The following LDB3 variants were observed in gnomAD, a reference collection of about 807,000 sequenced individuals.
The protein encoded by LDB3 is LIM domain-binding protein 3.
In LDB3, 49 loss-of-function variants were observed where a neutral mutation model predicts 69.0. The ratio of observed to expected loss-of-function variants is 0.71; its 90% CI spans 0.56 to 0.90. LDB3 has a LOEUF of 0.90. Among genes scored for constraint, LDB3 ranks in the 40% least tolerant of loss-of-function variants. The pLI, the probability that LDB3 is intolerant of heterozygous loss-of-function variation, is 0.00. For synonymous variants in LDB3, 387 were observed against 396.2 expected (o/e 0.98, Z 0.28); for missense variants, 928 against 974.1 (o/e 0.95, Z 0.63).
At chr10:86,698,378 C>T (rs1292260576) in intron 7 of LDB3, among the ~76,000 whole-genome samples, 2 of 152,204 alleles carry the variant, frequency 1.3e-5, no homozygotes, top group Non-Finnish European at 2.9e-5. Context: ...GTGTTTGTGG[C>T]TGGATGGGGC....
chr10:86,672,683 G>A (rs922827424), intron 2 of LDB3, among the ~76,000 whole-genome samples: 4 of 152,238 alleles, frequency 2.6e-5, no homozygotes, highest in African/African-American at 9.6e-5. Context: ...TCACAGCTGG[G>A]GAATGCATTC....
intron 5 of LDB3, chr10:86,687,026 T>C (rs1845515314): frequency 1.3e-6 from 2 of 1,596,894 alleles, no homozygotes; most frequent in African/African-American, 1.3e-5. Flanking sequence ...GTTGCCCTTT[T>C]CTCCTCCCTC....
At chr10:86,710,295 G>A in intron 9 of LDB3, 1 of 980,086 alleles carries the variant, frequency 1.0e-6, no homozygotes, top group South Asian at 4.7e-5. Flanking sequence ...GGAGAGCAGA[G>A]AAGTCTTCTC....
rs1367719334 is a variant in LDB3 at position 86,692,529 on chromosome 10, C to T, written c.860-6C>T. On this transcript the variant is annotated splice_region_variant and splice_polypyrimidine_tract_variant and intron_variant, in intron 6 of 13. Coordinates refer to ENST00000361373, the MANE Select transcript of LDB3 (RefSeq NM_007078.3). ...AGTCCCCTGACCAGCTCCTTTCTAC[C>T]AACAGTGCAAGACCCTGATGAAGAA... is the stretch of plus-strand genomic sequence containing the variant. The T allele has an allele frequency of 6.2e-7, 1 of 1,614,128 alleles. No individual in the cohort carries two copies. The highest frequency in any genetic ancestry group is 8.5e-7 in the Non-Finnish European group (1 of 1,179,946).
intron 12 of LDB3, 32 bp from the exon 13 acceptor site, chr10:86,726,105 G>C (rs1247110289): frequency 5.3e-6 from 8 of 1,519,276 alleles, no homozygotes; most frequent in Non-Finnish European, 7.3e-6. Flanking sequence ...CCCCCACTGG[G>C]TGCGGGGTCT....
intron 7 of LDB3, among the ~76,000 whole-genome samples, chr10:86,696,278 G>T (rs1024607356): frequency 6.6e-6 from 1 of 152,038 alleles, no homozygotes; most frequent in African/African-American, 2.4e-5. Context: ...GGGTGCCCCC[G>T]CCAATGGGCC....
Position 86,708,587 on chromosome 10 carries a change from T to C in LDB3, c.1086-1318T>C, listed in dbSNP as rs537369941. Among the ~76,000 whole-genome samples the C allele has an allele frequency of 9.8e-4, 149 of 152,288 alleles. 1 individual carries two copies. Among genetic ancestry groups the C allele is most frequent in the Non-Finnish European group, 1.6e-3 (109 of 68,016 alleles). ...CCTGGCACCCCTTGGACACTGTCTC[T>C]TCCTCTTCCATGGAGACCCCTACTC... is the stretch of plus-strand genomic sequence containing the variant. On this transcript the variant is annotated intron_variant, in intron 8 of 13. Coordinates refer to ENST00000361373, the MANE Select transcript of LDB3 (RefSeq NM_007078.3).
chr10:86,681,904 C>G, intron 5 of LDB3, 101 bp downstream of exon 5: 1 of 1,209,902 alleles, frequency 8.3e-7, no homozygotes, highest in East Asian at 2.4e-5. Context: ...GGCACTGGCC[C>G]CAATCCAGCC....
chr10:86,695,587 GC>G (rs2132427695), intron 7 of LDB3, among the ~76,000 whole-genome samples: 1 of 152,320 alleles, frequency 6.6e-6, no homozygotes, highest in East Asian at 1.9e-4. Flanking sequence ...TCAGCCTTCT[GC>G]CTACTTCCAC....
chr10:86,726,451 A>C, intron 13 of LDB3, 199 bp downstream of exon 13: 5 of 610,758 alleles, frequency 8.2e-6, no homozygotes, highest in East Asian at 2.9e-5. Context: ...TTATAAACCA[A>C]TGTGGCTTTG....
At chr10:86,677,633 T>A (rs996891303) in intron 2 of LDB3, among the ~76,000 whole-genome samples, 2 of 152,178 alleles carry the variant, frequency 1.3e-5, no homozygotes, top group Non-Finnish European at 1.5e-5. Context: ...TTCTGTGTGG[T>A]TACACTGAAG....
In LDB3 at chr10:86,709,929, C is replaced by T. The variant is rs777275274; in HGVS notation, c.1110C>T (p.Pro370=). 10 of 1,612,026 alleles carry T rather than the reference C, an allele frequency of 6.2e-6. No individual in the cohort carries two copies. Among genetic ancestry groups the T allele is most frequent in the South Asian group, 5.5e-5 (5 of 91,078 alleles). ...GGCCCCAGGCCTCTTCCTACAGCCC[C>T]GCAGTGGCCGCCTCTTCAGCACCTG... is the stretch of plus-strand genomic sequence containing the variant. The part of the protein sequence containing the change: ...SPRPQASSYS[P]AVAASSAPAT... Residue 370 remains proline (P), a synonymous_variant, in exon 9 of 14, where the codon CCC becomes CCT. Transcript: ENST00000361373.
In LDB3 at chr10:86,668,763, C is replaced by T; in HGVS notation, c.72C>T (p.Asn24=). Residue 24 remains asparagine (N), a synonymous_variant, in exon 2 of 14, where the codon AAC becomes AAT. Coordinates refer to ENST00000361373, the MANE Select transcript of LDB3 (RefSeq NM_007078.3). ...GFRLQGGKDF[N]MPLTISRITP... ...GTCTGCAGGGGGGCAAGGACTTCAACATGCCCCTCACTATCTCCCGGGTGA... is the reference window on the plus strand; with the variant it reads ...GTCTGCAGGGGGGCAAGGACTTCAATATGCCCCTCACTATCTCCCGGGTGA... 1.2e-6 allele frequency: 2 copies of T among 1,613,214 alleles called. No homozygotes were observed. Among genetic ancestry groups the T allele is most frequent in the Non-Finnish European group, 1.7e-6 (2 of 1,179,912 alleles).
At chr10:86,720,100 G>C (rs1847021746) in intron 12 of LDB3, among the ~76,000 whole-genome samples, 1 of 152,194 alleles carries the variant, frequency 6.6e-6, no homozygotes, top group Non-Finnish European at 1.5e-5. Context: ...AGTTCCTCAA[G>C]GGAAAAAGCA....
chr10:86,687,542 G>C (rs991666046), intron 5 of LDB3, among the ~76,000 whole-genome samples: 7 of 152,254 alleles, frequency 4.6e-5, no homozygotes, highest in African/African-American at 7.2e-5. Flanking sequence ...ATTTTCCCAG[G>C]CTCTATGAGG....
chr10:86,703,428 C>G (rs879691469), intron 7 of LDB3, among the ~76,000 whole-genome samples: 1 of 152,344 alleles, frequency 6.6e-6, no homozygotes, highest in East Asian at 1.9e-4. Flanking sequence ...GGGCCAGGCA[C>G]GGCTGCAGGC....
In LDB3 at chr10:86,733,517, T is replaced by G. The variant is rs1170472180; in HGVS notation, c.*541T>G. ...CCATTACTAGCGTCATGGAGCTACCTCTGCGCATCAGACTTCAGACCTTGA... is the reference window on the plus strand; with the variant it reads ...CCATTACTAGCGTCATGGAGCTACCGCTGCGCATCAGACTTCAGACCTTGA... On this transcript the variant is annotated 3_prime_UTR_variant, in exon 14 of 14. Transcript: ENST00000361373. 1 of 159,400 alleles carries G rather than the reference T, an allele frequency of 6.3e-6. No individual in the cohort carries two copies. The highest frequency in any genetic ancestry group is 1.8e-4 in the East Asian group (1 of 5,424). 9.9% of individuals were successfully genotyped at this position (159,400 alleles called of 1,614,324 possible). A position where few individuals can be genotyped will look rare whatever the true frequency, so the allele number is the denominator to read the frequency against.
intron 9 of LDB3, among the ~76,000 whole-genome samples, chr10:86,713,889 T>C (rs1289156927): frequency 1.3e-5 from 2 of 152,190 alleles, no homozygotes; most frequent in Non-Finnish European, 2.9e-5. Flanking sequence ...AGTCTCAGGT[T>C]ATCTGACTTC....
chr10:86,685,661 G>A (rs1845426551), intron 5 of LDB3: 1 of 1,613,924 alleles, frequency 6.2e-7, no homozygotes, highest in Non-Finnish European at 8.5e-7. Context: ...TGTCTTCTTT[G>A]CCCTTTTCCT....
Sources: allele counts gnomAD v4.1 joint callset (sites outside exome capture counted in the v4.1 genomes callset), GRCh38; gene constraint gnomAD v4.1.1; transcripts MANE v1.5; gene names NCBI Gene and HGNC (gene_info 2026-07-23, HGNC 2026-07-21).